The following PACS2 variants were observed in gnomAD, a reference collection of about 807,000 sequenced individuals.
The protein encoded by PACS2 is PACS1-like protein.
Under a neutral mutation model 113.0 loss-of-function variants are expected in PACS2, and 36 were observed. That is an observed-to-expected ratio of 0.32 (90% CI 0.24 to 0.42). The LOEUF is 0.42. Among genes scored for constraint, PACS2 ranks in the 10% least tolerant of loss-of-function variants. The pLI is 1.00. For missense variants in PACS2, 1,015 were observed against 1,239.5 expected, an observed-to-expected ratio of 0.82 and a Z score of 2.72; for synonymous variants, 589 against 536.1, an observed-to-expected ratio of 1.10 and a Z score of -1.36.
At chr14:105,383,627 T>C (rs909132793) in intron 16 of PACS2, 114 bp downstream of exon 16, 15 of 988,868 alleles carry the variant, frequency 1.5e-5, no homozygotes, top group Non-Finnish European at 2.2e-5. Context: ...TGGCGCGGTG[T>C]GTCGTGGTGT....
Position 105,382,860 on chromosome 14 carries a change from T to C in PACS2, c.1572T>C (p.Ser524=), listed in dbSNP as rs1409816295. The part of the protein sequence containing the change: ...RHTLPVVCTC[S]PADVQAAFST... ...CGCTCCCCGTGGTGTGCACGTGCTC[T>C]CCTGCGGACGTCCAGGCGGCCTTCA... The change falls in exon 15 of 25, where the codon TCT becomes TCC. Residue 524 remains serine, a synonymous_variant. Coordinates refer to ENST00000447393, the MANE Select transcript of PACS2 (RefSeq NM_001100913.3). 5 of 1,607,580 alleles carry C rather than the reference T, an allele frequency of 3.1e-6. No homozygotes were observed. In the African/African-American group the frequency reaches 6.7e-5, roughly 21 times the overall value.
At chr14:105,361,820 ATG>A (rs1274681891) in intron 4 of PACS2, among the ~76,000 whole-genome samples, 1 of 152,068 alleles carries the variant, frequency 6.6e-6, no homozygotes, top group Non-Finnish European at 1.5e-5. Flanking sequence ...GTGGTGGCAC[ATG>A]CCTGTAATTC....
Position 105,384,829 on chromosome 14 carries a change from C to T in PACS2, c.1892-50C>T, listed in dbSNP as rs782408087. The T allele has an allele frequency of 7.2e-6, 9 of 1,252,320 alleles. No individual in the cohort carries two copies. The South Asian group carries it at 1.0e-4, about 14-fold the overall frequency. The allele number at this position is 1,252,320 out of a possible 1,614,324, so 77.6% of individuals were successfully genotyped here. A position where few individuals can be genotyped will look rare whatever the true frequency, so the allele number is the denominator to read the frequency against. On this transcript the variant is annotated intron_variant, in intron 17 of 24. Coordinates refer to ENST00000447393, the MANE Select transcript of PACS2 (RefSeq NM_001100913.3). ...GGGAGGCCCAGCTTAGCCCCGCCTG[C>T]AACCCCACCTGGCACCAGCCTAACC...
intron 5 of PACS2, 56 bp from the exon 6 acceptor site, chr14:105,368,018 C>T: frequency 8.2e-7 from 1 of 1,219,610 alleles, no homozygotes; most frequent in Non-Finnish European, 1.2e-6. Flanking sequence ...TGGTCACTGC[C>T]TGGTTTCCCG....
In PACS2 at chr14:105,394,826, G is replaced by C; in HGVS notation, c.*154G>C. ...GTGCTCACAACGTGGAAACTAACGG[G>C]GGAGCTCCTGCCAGGAGCCGAATAA... On this transcript the variant is annotated 3_prime_UTR_variant, in exon 25 of 25. Coordinates refer to ENST00000447393, the MANE Select transcript of PACS2 (RefSeq NM_001100913.3). 1.6e-6 allele frequency: 1 copy of C among 631,698 alleles called. No homozygotes were observed. The highest frequency in any genetic ancestry group is 2.9e-6 in the Non-Finnish European group (1 of 350,112). The allele number at this position is 631,698 out of a possible 1,614,324, so 39.1% of individuals were successfully genotyped here. A position where few individuals can be genotyped will look rare whatever the true frequency, so the allele number is the denominator to read the frequency against.
intron 1 of PACS2, among the ~76,000 whole-genome samples, chr14:105,333,780 G>T (rs894272728): frequency 6.6e-6 from 1 of 152,226 alleles, no homozygotes; most frequent in Non-Finnish European, 1.5e-5. Context: ...TTCTCACTGA[G>T]GGTCACAGCC....
chr14:105,383,715 CT>C (rs2081074934), intron 16 of PACS2: 2 of 558,204 alleles, frequency 3.6e-6, no homozygotes, highest in Non-Finnish European at 6.3e-6. Context: ...TACAGTAACA[CT>C]TTGTTAATTT....
intron 1 of PACS2, among the ~76,000 whole-genome samples, chr14:105,307,455 C>T (rs1323801352): frequency 1.3e-5 from 2 of 152,220 alleles, no homozygotes; most frequent in Non-Finnish European, 2.9e-5. Flanking sequence ...CCCTTCACCC[C>T]CTCCCTGTCC....
intron 4 of PACS2, among the ~76,000 whole-genome samples, chr14:105,364,610 C>G (rs1450571709): frequency 6.6e-6 from 1 of 150,904 alleles, no homozygotes; most frequent in African/African-American, 2.4e-5. Flanking sequence ...ATACCTCTGT[C>G]GTTACGTGGT....
intron 1 of PACS2, among the ~76,000 whole-genome samples, chr14:105,328,176 A>G (rs2140891652): frequency 6.6e-6 from 1 of 152,346 alleles, no homozygotes; most frequent in Non-Finnish European, 1.5e-5. Flanking sequence ...AGGTGCACGG[A>G]GAAGAGAGGG....
rs2060379107 is a variant in PACS2, at chr14:105,354,994, G to A, written c.298-58G>A. On this transcript the variant is annotated intron_variant, in intron 3 of 24. Transcript: ENST00000447393. This position sits in a 1 kb window ranked among gnomAD's most constrained non-coding sequence, Gnocchi z 4.2. The stretch of plus-strand genomic sequence containing the variant: ...CAGGGTGGCTGGGCCGTCAGAGGCC[G>A]TGATGCTGCCTGGGGCCCCGGTGCA... 14 of 1,585,306 alleles carry A rather than the reference G, an allele frequency of 8.8e-6. No homozygotes were observed. In the Middle Eastern group the frequency reaches 1.0e-3, roughly 114 times the overall value.
At chr14:105,352,938 C>G (rs75551217) in intron 3 of PACS2, among the ~76,000 whole-genome samples, 2 of 138,148 alleles carry the variant, frequency 1.4e-5, no homozygotes, top group East Asian at 4.5e-4. Flanking sequence ...GATGGGCCCC[C>G]CTCATCAGTG....
At chr14:105,387,491 C>T (rs145278190) in intron 19 of PACS2, among the ~76,000 whole-genome samples, 5 of 152,358 alleles carry the variant, frequency 3.3e-5, no homozygotes, top group African/African-American at 7.2e-5. Context: ...GGCCTCCCCA[C>T]GCCACGGTGG....
At chr14:105,301,750 G>A (rs900800169) in intron 1 of PACS2, among the ~76,000 whole-genome samples, 9 of 152,366 alleles carry the variant, frequency 5.9e-5, no homozygotes, top group Non-Finnish European at 8.8e-5. Context: ...CCCCTGCCCA[G>A]AGCGGGAACC....
intron 1 of PACS2, among the ~76,000 whole-genome samples, chr14:105,326,004 T>C (rs73359015): frequency 0.12 from 17,636 of 152,282 alleles, 3,471 homozygotes; most frequent in African/African-American, 0.4. Flanking sequence ...TTAATTTGAG[T>C]CTCATTTCCC....
chr14:105,391,390 C>T, intron 21 of PACS2, 141 bp downstream of exon 21: 1 of 713,300 alleles, frequency 1.4e-6, no homozygotes, highest in Middle Eastern at 2.9e-4. Flanking sequence ...TGCTTCTGTC[C>T]TGCGGGGGGT....
rs148201400 is a variant in PACS2 at position 105,384,861 on chromosome 14, C to T, written c.1892-18C>T. The T allele has an allele frequency of 3.3e-5, 50 of 1,508,538 alleles. No individual in the cohort carries two copies. Among genetic ancestry groups the T allele is most frequent in the African/African-American group, 6.9e-5 (5 of 72,856 alleles). 93.4% of individuals were successfully genotyped at this position (1,508,538 alleles called of 1,614,324 possible). ...ACCTGGCACCAGCCTAACCCCCCAC[C>T]GCCTCCTCCCCCTGCAGTACAGGAC... On this transcript the variant is annotated intron_variant, in intron 17 of 24. Transcript: ENST00000447393.
chr14:105,380,680 G>A lies in PACS2; in HGVS notation c.1126-277G>A, dbSNP rs587684150. 4.6e-5 allele frequency among the ~76,000 whole-genome samples: 7 copies of A among 152,294 alleles called. No individual in the cohort carries two copies. The South Asian group carries it at 1.2e-3, about 27-fold the overall frequency. On this transcript the variant is annotated intron_variant, in intron 11 of 24. Coordinates refer to ENST00000447393, the MANE Select transcript of PACS2 (RefSeq NM_001100913.3). ...GGAACGCCTGGTTCCCCCCTGCTGC[G>A]TTGCATGGGGTCTCCTCAGTTAGGA...
Position 105,392,112 on chromosome 14 carries a change from G to A in PACS2, c.2255+346G>A, listed in dbSNP as rs28421676. 4 of 369,114 alleles carry A rather than the reference G, an allele frequency of 1.1e-5. No homozygotes were observed. In the Admixed American group the frequency reaches 1.8e-4, roughly 17 times the overall value. The allele number at this position is 369,114 out of a possible 1,614,324, so 22.9% of individuals were successfully genotyped here. On this transcript the variant is annotated intron_variant, in intron 22 of 24. Coordinates refer to ENST00000447393, the MANE Select transcript of PACS2 (RefSeq NM_001100913.3). Reference sequence around the variant, plus strand: ...AGTCTCTAGACGGTCCTCATGGGATGAGCTTCGATAGCTGTGCTGAGGCCC... The same window carrying A: ...AGTCTCTAGACGGTCCTCATGGGATAAGCTTCGATAGCTGTGCTGAGGCCC...
Sources: gnomAD v4.1 joint callset for allele counts (sites outside exome capture counted in the v4.1 genomes callset) on GRCh38, gnomAD v4.1.1 for gene constraint, Gnocchi (gnomAD v3.1) non-coding constraint, MANE v1.5 for transcripts, NCBI Gene and HGNC (gene_info 2026-07-23, HGNC 2026-07-21) for gene names.